Variants in SLC20A2 observed in about 807,000 individuals in gnomAD.
The protein encoded by SLC20A2 is solute carrier family 20 member 2, also known as sodium-dependent phosphate transporter 2.
SLC20A2 carries 30 observed loss-of-function variants against 61.0 expected under a neutral mutation model. The observed-to-expected ratio is 0.49, with a 90% CI of 0.37 to 0.67. The LOEUF is 0.67. Ranked by LOEUF, SLC20A2 falls within the 30% of genes least tolerant of loss-of-function variation. The pLI is 0.00. For missense variants in SLC20A2, 626 were observed against 866.4 expected (o/e 0.72, Z 3.48); for synonymous variants, 351 against 353.3 (o/e 0.99, Z 0.07).
At chr8:42,453,982 A>C (rs1021522272) in intron 5 of SLC20A2, among the ~76,000 whole-genome samples, 4 of 152,110 alleles carry the variant, frequency 2.6e-5, no homozygotes, top group African/African-American at 9.7e-5. Flanking sequence ...AGGGACTTGA[A>C]TATCCATGGA....
intron 1 of SLC20A2, among the ~76,000 whole-genome samples, chr8:42,474,506 C>T (rs1437146436): frequency 2.0e-5 from 3 of 152,084 alleles, no homozygotes; most frequent in African/African-American, 7.2e-5. Context: ...CAAAAGACAA[C>T]ATTCCACTGA....
chr8:42,431,819 C>T (rs1472533240), intron 8 of SLC20A2, among the ~76,000 whole-genome samples: 1 of 152,194 alleles, frequency 6.6e-6, no homozygotes, highest in Admixed American at 6.5e-5. Flanking sequence ...AATGGAACAA[C>T]AAAGCACATC....
Position 42,417,295 on chromosome 8 carries a change from C to T in SLC20A2, c.*508G>A, listed in dbSNP as rs1247702249. 6.4e-6 allele frequency: 1 copy of T among 155,422 alleles called. No homozygotes were observed. The highest frequency in any genetic ancestry group is 1.4e-5 in the Non-Finnish European group (1 of 69,570). 9.6% of individuals were successfully genotyped at this position (155,422 alleles called of 1,614,324 possible). ...GCTGTCATCCCACAGCACGCGACCT[C>T]TGCAGGGTCAGGTTGCCTGTTCTGA... On this transcript the variant is annotated 3_prime_UTR_variant, in exon 11 of 11. Coordinates refer to ENST00000520262, the MANE Select transcript of SLC20A2 (RefSeq NM_001257180.2).
At position 42,487,238 on chromosome 8, in the gene SLC20A2, C is replaced by T. The variant is rs573205996; in HGVS notation, c.-265+13793G>A. Among the ~76,000 whole-genome samples the T allele has an allele frequency of 2.8e-3, 396 of 143,026 alleles. 2 individuals are homozygous for T. Among genetic ancestry groups the T allele is most frequent in the Non-Finnish European group, 4.7e-3 (310 of 66,628 alleles). The allele number at this position is 143,026 out of a possible 152,430, so 93.8% of individuals were successfully genotyped here. The stretch of plus-strand genomic sequence containing the variant: ...TGTCGCCCAGGCTGGAGTGCAGTGG[C>T]GCGATCTTGGCTCACTGCAAGCTCT... On this transcript the variant is annotated intron_variant, in intron 1 of 10. Transcript: ENST00000520262.
chr8:42,448,472 C>T (rs1296865040), intron 5 of SLC20A2, among the ~76,000 whole-genome samples: 1 of 152,166 alleles, frequency 6.6e-6, no homozygotes, highest in East Asian at 1.9e-4. Flanking sequence ...ACATGGGGTC[C>T]CAGATGGTGT....
At chr8:42,485,020 G>T in intron 1 of SLC20A2, 1 of 237,076 alleles carries the variant, frequency 4.2e-6, no homozygotes, top group South Asian at 5.2e-5. Context: ...CCCAGAGTGA[G>T]CCCTCGAAAC....
chr8:42,502,634 C>G (rs1044104267), upstream of SLC20A2: 13 of 152,272 alleles, frequency 8.5e-5, no homozygotes, highest in African/African-American at 3.1e-4. Context: ...TCGGCCTAAC[C>G]TGAGGCTCTG....
In SLC20A2 at chr8:42,427,317, C is replaced by T. The variant is rs188056792; in HGVS notation, c.1794+1441G>A. Among the ~76,000 whole-genome samples the T allele has an allele frequency of 3.0e-3, 459 of 152,340 alleles. 3 individuals are homozygous for T. Among genetic ancestry groups the T allele is most frequent in the African/African-American group, 0.01 (422 of 41,570 alleles). ...GCACCTTGGCCATGGTCGGGCACCA[C>T]AATGGTGCTGATGGGGACCTGAACG... is the stretch of plus-strand genomic sequence containing the variant. On this transcript the variant is annotated intron_variant, in intron 10 of 10. Coordinates refer to ENST00000520262, the MANE Select transcript of SLC20A2 (RefSeq NM_001257180.2).
chr8:42,492,757 C>G (rs571201884), intron 1 of SLC20A2, among the ~76,000 whole-genome samples: 1 of 151,718 alleles, frequency 6.6e-6, no homozygotes. Flanking sequence ...GGCGCCATCT[C>G]GGCTCACTGC....
chr8:42,492,387 T>C (rs749691300), intron 1 of SLC20A2, among the ~76,000 whole-genome samples: 6 of 152,166 alleles, frequency 3.9e-5, no homozygotes, highest in East Asian at 1.9e-4. Context: ...GATCTGCCCA[T>C]GCAAGGTGTG....
intron 5 of SLC20A2, among the ~76,000 whole-genome samples, chr8:42,454,248 C>T (rs565143852): frequency 3.3e-5 from 5 of 152,280 alleles, no homozygotes; most frequent in East Asian, 3.9e-4. Flanking sequence ...ATGATCCGCC[C>T]GTCTCGGCCT....
upstream of SLC20A2, among the ~76,000 whole-genome samples, chr8:42,503,126 C>T (rs1810425950): frequency 6.6e-6 from 1 of 152,208 alleles, no homozygotes; most frequent in African/African-American, 2.4e-5. Context: ...GTTTCAACAG[C>T]AGCCACACCT....
At chr8:42,506,909 G>A (rs541297288) in intron 1 of SLC20A2, among the ~76,000 whole-genome samples, 46 of 152,322 alleles carry the variant, frequency 3.0e-4, no homozygotes, top group African/African-American at 1.1e-3. Context: ...CTGGTGCATG[G>A]GGGCTCACCC....
intron 1 of SLC20A2, chr8:42,536,718 GA>G (rs1812718145): frequency 6.6e-6 from 1 of 152,044 alleles, no homozygotes; most frequent in South Asian, 2.1e-4. Context: ...TTGGTTTGAA[GA>G]GACCTCCTGA....
intron 5 of SLC20A2, among the ~76,000 whole-genome samples, chr8:42,446,379 C>T (rs1416973104): frequency 6.6e-6 from 1 of 152,224 alleles, no homozygotes; most frequent in Non-Finnish European, 1.5e-5. Flanking sequence ...CACATTCACA[C>T]ACATTCATAT....
Position 42,417,455 on chromosome 8 carries a change from G to T in SLC20A2, c.*348C>A. 1 of 168,114 alleles carries T rather than the reference G, an allele frequency of 5.9e-6. No homozygotes were observed. Among genetic ancestry groups the T allele is most frequent in the Non-Finnish European group, 1.3e-5 (1 of 76,500 alleles). 10.4% of individuals were successfully genotyped at this position (168,114 alleles called of 1,614,324 possible). ...TTATGTACAAGATTTATTGAATATT[G>T]ACTTCTAGGCAATGATCTCCACTCC... On this transcript the variant is annotated 3_prime_UTR_variant, in exon 11 of 11. Transcript: ENST00000520262.
At chr8:42,523,082 C>T (rs1044936599) in intron 1 of SLC20A2, among the ~76,000 whole-genome samples, 8 of 152,058 alleles carry the variant, frequency 5.3e-5, no homozygotes, top group Admixed American at 3.9e-4. Context: ...CCTGCAATCC[C>T]AGCACTTTGA....
At chr8:42,491,745 C>T (rs564460137) in intron 1 of SLC20A2, among the ~76,000 whole-genome samples, 7 of 152,080 alleles carry the variant, frequency 4.6e-5, no homozygotes, top group African/African-American at 1.7e-4. Flanking sequence ...TCTCAGAAAC[C>T]CTTTTTATCT....
intron 2 of SLC20A2, among the ~76,000 whole-genome samples, chr8:42,466,996 G>A (rs561966363): frequency 8.6e-5 from 13 of 151,850 alleles, no homozygotes; most frequent in Middle Eastern, 3.4e-3. Context: ...TTGCAGAGAC[G>A]GGGGTCTTGC....
Sources: allele counts gnomAD v4.1 joint callset (sites outside exome capture counted in the v4.1 genomes callset), GRCh38; gene constraint gnomAD v4.1.1; transcripts MANE v1.5; gene names NCBI Gene and HGNC (gene_info 2026-07-23, HGNC 2026-07-21).